Variants in KIAA1217 observed in about 807,000 individuals in gnomAD.
KIAA1217 encodes the protein sickle tail protein homolog.
In KIAA1217, 88 loss-of-function variants were observed where a neutral mutation model predicts 163.9. The ratio of observed to expected loss-of-function variants is 0.54; its 90% CI spans 0.45 to 0.64. The LOEUF is 0.64. Among genes scored for constraint, KIAA1217 ranks in the 30% least tolerant of loss-of-function variants. KIAA1217 has a pLI of 0.00. For missense variants in KIAA1217, 2,372 were observed against 2,475.0 expected (o/e 0.96, Z 0.88); for synonymous variants, 903 against 923.1 (o/e 0.98, Z 0.39).
At chr10:24,266,340 A>G (rs530328588) in intron 2 of KIAA1217, among the ~76,000 whole-genome samples, 1 of 152,186 alleles carries the variant, frequency 6.6e-6, no homozygotes, top group Non-Finnish European at 1.5e-5. Flanking sequence ...CAGCCTCCCA[A>G]AGTTCTGCAA....
chr10:23,701,790 G>C (rs1836467252), intron 1 of KIAA1217, among the ~76,000 whole-genome samples: 2 of 152,168 alleles, frequency 1.3e-5, no homozygotes, highest in South Asian at 4.1e-4. Context: ...ATTGTGAGCA[G>C]ATATTGCGTG....
intron 5 of KIAA1217, among the ~76,000 whole-genome samples, chr10:24,445,649 C>T (rs553987089): frequency 1.7e-4 from 25 of 150,292 alleles, no homozygotes; most frequent in South Asian, 6.4e-4. Flanking sequence ...TTTGTCCTTG[C>T]GATAGTTTGC....
At chr10:24,445,685 C>A (rs2060868881) in intron 5 of KIAA1217, among the ~76,000 whole-genome samples, 1 of 151,828 alleles carries the variant, frequency 6.6e-6, no homozygotes, top group African/African-American at 2.4e-5. Flanking sequence ...CCAGCTTCAT[C>A]CATGTCCCTA....
intron 1 of KIAA1217, among the ~76,000 whole-genome samples, chr10:23,968,966 C>T (rs181498736): frequency 3.3e-5 from 5 of 152,194 alleles, no homozygotes; most frequent in East Asian, 3.9e-4. Flanking sequence ...GTGGGTCTAT[C>T]GTTTTTGTCT....
At chr10:24,485,232 G>T in intron 6 of KIAA1217, among the ~76,000 whole-genome samples, 1 of 152,078 alleles carries the variant, frequency 6.6e-6, no homozygotes, top group East Asian at 1.9e-4. Flanking sequence ...TGGGTAGTGG[G>T]TGTGAGAGAA....
intron 3 of KIAA1217, among the ~76,000 whole-genome samples, chr10:24,409,131 AT>A (rs1246577450): frequency 1.3e-5 from 2 of 152,036 alleles, no homozygotes; most frequent in Admixed American, 6.6e-5. Context: ...AGGGGGACAG[AT>A]TTTTTTTCTT....
At chr10:24,534,947 GT>G (rs1395733041) in intron 16 of KIAA1217, among the ~76,000 whole-genome samples, 2 of 149,444 alleles carry the variant, frequency 1.3e-5, no homozygotes, top group African/African-American at 4.9e-5. Context: ...ACCAAACCCT[GT>G]TAGCCCTCTG....
At position 23,842,039 on chromosome 10, in the gene KIAA1217, T is replaced by C. The variant is rs140654077; in HGVS notation, c.-321+146805T>C. On this transcript the variant is annotated intron_variant, in intron 1 of 18. Transcript: ENST00000376462. ...CGTGCTACCACACTTGGCTAACTTT[T>C]GTATTTTTAGTAGAGATGGGATTTT... Among the ~76,000 whole-genome samples the C allele has an allele frequency of 4.7e-3, 720 of 152,050 alleles. 9 individuals carry two copies. The highest frequency in any genetic ancestry group is 0.016 in the African/African-American group (651 of 41,430).
chr10:24,375,818 G>C (rs915223027), intron 2 of KIAA1217, among the ~76,000 whole-genome samples: 1 of 152,166 alleles, frequency 6.6e-6, no homozygotes, highest in African/African-American at 2.4e-5. Context: ...CTGAAGCAAA[G>C]TGAATACCTT....
At chr10:24,158,522 T>G (rs1429500554) in intron 2 of KIAA1217, 1 of 517,580 alleles carries the variant, frequency 1.9e-6, no homozygotes, top group African/African-American at 1.9e-5. Flanking sequence ...GGGAGGATTT[T>G]TAGAGAATTC....
At chr10:23,699,509 TA>T (rs1836281393) in intron 1 of KIAA1217, among the ~76,000 whole-genome samples, 2 of 152,182 alleles carry the variant, frequency 1.3e-5, no homozygotes, top group African/African-American at 4.8e-5. Flanking sequence ...GATCACTCCA[TA>T]AAGTGAGCAT....
chr10:23,939,958 T>G (rs1843687089), intron 1 of KIAA1217, among the ~76,000 whole-genome samples: 1 of 150,096 alleles, frequency 6.7e-6, no homozygotes, highest in Non-Finnish European at 1.5e-5. Flanking sequence ...ATATTAAATA[T>G]AAACTATATT....
At chr10:24,162,341 C>A (rs1168148614) in intron 2 of KIAA1217, among the ~76,000 whole-genome samples, 2 of 152,200 alleles carry the variant, frequency 1.3e-5, no homozygotes, top group Non-Finnish European at 2.9e-5. Flanking sequence ...TGCTGCCATG[C>A]CTTTGTTGCA....
chr10:23,747,952 G>A (rs12761587), intron 1 of KIAA1217, among the ~76,000 whole-genome samples: 31,704 of 152,114 alleles, frequency 0.21, 3,470 homozygotes, highest in Middle Eastern at 0.28. Context: ...ACTGTTGTGC[G>A]CTACACCTGG....
chr10:23,777,599 A>G (rs1434267295), intron 1 of KIAA1217, among the ~76,000 whole-genome samples: 1 of 152,218 alleles, frequency 6.6e-6, no homozygotes, highest in African/African-American at 2.4e-5. Context: ...CCATAATCAC[A>G]TTCCCTTACA....
At chr10:24,391,985 G>A (rs897833083) in intron 3 of KIAA1217, among the ~76,000 whole-genome samples, 1 of 152,134 alleles carries the variant, frequency 6.6e-6, no homozygotes, top group African/African-American at 2.4e-5. Context: ...AAGTAGGCAA[G>A]TTTTATCTAT....
At chr10:23,905,826 G>A (rs184216050) in intron 1 of KIAA1217, among the ~76,000 whole-genome samples, 1 of 152,288 alleles carries the variant, frequency 6.6e-6, no homozygotes, top group East Asian at 1.9e-4. Context: ...GATGACTTTG[G>A]TAGGGAAGTG....
chr10:23,904,561 G>A (rs182718817), intron 1 of KIAA1217, among the ~76,000 whole-genome samples: 1 of 152,198 alleles, frequency 6.6e-6, no homozygotes, highest in East Asian at 1.9e-4. Flanking sequence ...CCACATCAAG[G>A]TGAGCTATCA....
At chr10:23,851,145 T>C (rs1037163467) in intron 1 of KIAA1217, among the ~76,000 whole-genome samples, 3 of 152,122 alleles carry the variant, frequency 2.0e-5, no homozygotes, top group Non-Finnish European at 4.4e-5. Flanking sequence ...GTATATCTCC[T>C]AATGCTATCC....
Sources: gnomAD v4.1 joint callset for allele counts (sites outside exome capture counted in the v4.1 genomes callset) on GRCh38, gnomAD v4.1.1 for gene constraint, MANE v1.5 for transcripts, NCBI Gene and HGNC (gene_info 2026-07-23, HGNC 2026-07-21) for gene names.